The following TPO variants were observed in gnomAD, a reference collection of about 807,000 sequenced individuals.
TPO encodes the protein thyroid peroxidase.
TPO carries 78 observed loss-of-function variants against 96.9 expected under a neutral mutation model. The ratio of observed to expected loss-of-function variants is 0.81; its 90% CI spans 0.67 to 0.97. TPO has a LOEUF of 0.97. Ranked by LOEUF, TPO falls within the 50% of genes least tolerant of loss-of-function variation. The probability of loss-of-function intolerance (pLI) is 0.00; values close to 1 mark genes in which losing one functional copy is unlikely to be tolerated. For synonymous variants in TPO, 547 were observed against 538.0 expected (o/e 1.02, Z -0.23); for missense variants, 1,252 against 1,274.8 (o/e 0.98, Z 0.27).
intron 1 of TPO, among the ~76,000 whole-genome samples, chr2:1,407,554 C>A (rs1057059476): frequency 1.3e-5 from 2 of 152,194 alleles, no homozygotes; most frequent in Non-Finnish European, 2.9e-5. Context: ...AAACTACCCC[C>A]TTTTCTTGTC....
At chr2:1,399,277 C>T (rs529007170) in intron 1 of TPO, among the ~76,000 whole-genome samples, 91 of 152,340 alleles carry the variant, frequency 6.0e-4, no homozygotes, top group African/African-American at 1.7e-3. Flanking sequence ...ATTTTCTGCG[C>T]GGAGCTTCTC....
In TPO at chr2:1,489,481, T is replaced by C. The variant is rs1256860229; in HGVS notation, c.1768+1490T>C. Among the ~76,000 whole-genome samples the C allele has an allele frequency of 3.9e-5, 6 of 152,170 alleles. 1 individual carries two copies. The highest frequency in any genetic ancestry group is 3.3e-4 in the Admixed American group (5 of 15,268). ...CTCACAACCCCCACCTTCCTCTGCT[T>C]CACTTTTCACCAACTGAAATATGGC... is the stretch of plus-strand genomic sequence containing the variant. On this transcript the variant is annotated intron_variant, in intron 10 of 16. Coordinates refer to ENST00000329066, the MANE Select transcript of TPO (RefSeq NM_001206744.2).
intron 11 of TPO, among the ~76,000 whole-genome samples, chr2:1,495,722 TC>T (rs1169000229): frequency 6.6e-6 from 1 of 151,142 alleles, no homozygotes; most frequent in South Asian, 2.1e-4. Flanking sequence ...TCCCGGGTGC[TC>T]AGGGGTCTGG....
At chr2:1,374,650 A>T (rs1415028186) in intron 1 of TPO, among the ~76,000 whole-genome samples, 1 of 151,782 alleles carries the variant, frequency 6.6e-6, no homozygotes, top group East Asian at 1.9e-4. Flanking sequence ...GTTAATGAGG[A>T]TTTATTTGAA....
At chr2:1,432,556 G>A (rs1328950089) in intron 3 of TPO, among the ~76,000 whole-genome samples, 2 of 140,368 alleles carry the variant, frequency 1.4e-5, no homozygotes, top group Non-Finnish European at 3.1e-5. Context: ...GAGGCCTGCA[G>A]GTGGGGTGAG....
In TPO at chr2:1,542,722, A is replaced by G; in HGVS notation, c.*248A>G. 1.8e-6 allele frequency: 2 copies of G among 1,118,966 alleles called. No individual in the cohort carries two copies. Among genetic ancestry groups the G allele is most frequent in the Non-Finnish European group, 2.5e-6 (2 of 792,096 alleles). 69.3% of individuals were successfully genotyped at this position (1,118,966 alleles called of 1,614,324 possible). A position where few individuals can be genotyped will look rare whatever the true frequency, so the allele number is the denominator to read the frequency against. On this transcript the variant is annotated 3_prime_UTR_variant, in exon 17 of 17. Transcript: ENST00000329066. ...GGCTTTGCCATTAAAATGTATTTAC[A>G]GATTACACATCTTTATTTTGTGAAC...
chr2:1,409,673 C>T (rs907115784), upstream of TPO, among the ~76,000 whole-genome samples: 1 of 152,138 alleles, frequency 6.6e-6, no homozygotes, highest in Non-Finnish European at 1.5e-5. Flanking sequence ...TTCCAGGATC[C>T]AGTCCTGGCA....
chr2:1,535,838 C>T, intron 15 of TPO, among the ~76,000 whole-genome samples: 1 of 82,710 alleles, frequency 1.2e-5, no homozygotes, highest in African/African-American at 5.5e-5. Flanking sequence ...AATCCCCAAA[C>T]TGTGTGCAAC....
At chr2:1,412,597 C>T (rs145656465), upstream of TPO, among the ~76,000 whole-genome samples, 30 of 151,598 alleles carry the variant, frequency 2.0e-4, no homozygotes, top group African/African-American at 7.0e-4. Context: ...TGTTCTGAAG[C>T]CTTTGCATCG....
intron 7 of TPO, among the ~76,000 whole-genome samples, chr2:1,465,789 C>A (rs4927583): frequency 0.12 from 17,518 of 152,060 alleles, 1,190 homozygotes; most frequent in East Asian, 0.28. Flanking sequence ...GTTCTAGGAG[C>A]TTTCTGGAGG....
intron 3 of TPO, among the ~76,000 whole-genome samples, chr2:1,428,385 C>T (rs546661165): frequency 3.5e-4 from 53 of 152,264 alleles, no homozygotes; most frequent in South Asian, 1.0e-3. Context: ...ATGGACATGA[C>T]GGGAAAGTGA....
intron 1 of TPO, among the ~76,000 whole-genome samples, chr2:1,384,071 G>T (rs572985830): frequency 6.0e-4 from 91 of 152,256 alleles, no homozygotes; most frequent in African/African-American, 2.1e-3. Flanking sequence ...TGTTCCATTG[G>T]TCTATATCTC....
intron 7 of TPO, among the ~76,000 whole-genome samples, chr2:1,468,518 A>G (rs1669106124): frequency 6.6e-6 from 1 of 152,160 alleles, no homozygotes; most frequent in South Asian, 2.1e-4. Flanking sequence ...TTGTCTGAGG[A>G]GGCTGAAGAT....
rs1680889638 is a variant in TPO, at chr2:1,542,600, A to G, written c.*126A>G. The G allele has an allele frequency of 1.9e-6, 3 of 1,556,472 alleles. No homozygotes were observed. ...TTTTCCCAACACGGGTAAATCTAGT[A>G]CCATGTCGTAGTTACTCTCAGGCAT... On this transcript the variant is annotated 3_prime_UTR_variant, in exon 17 of 17. Transcript: ENST00000329066.
chr2:1,430,080 A>G (rs1664825092), intron 3 of TPO, among the ~76,000 whole-genome samples: 1 of 152,238 alleles, frequency 6.6e-6, no homozygotes, highest in East Asian at 1.9e-4. Context: ...AAGGGCCTCG[A>G]AGAAAGCATG....
At chr2:1,462,031 CAGTT>C (rs1175501692) in intron 7 of TPO, among the ~76,000 whole-genome samples, 1 of 152,302 alleles carries the variant, frequency 6.6e-6, no homozygotes, top group East Asian at 1.9e-4. Flanking sequence ...TTTTAGGGCT[CAGTT>C]AGAGTGAGCC....
intron 15 of TPO, among the ~76,000 whole-genome samples, chr2:1,530,168 A>C (rs1228195938): frequency 1.1e-5 from 1 of 89,756 alleles, no homozygotes; most frequent in African/African-American, 5.4e-5. Context: ...AACCTCCTCA[A>C]ATCCCCCCAC....
chr2:1,503,761 G>A (rs1364092184), intron 13 of TPO, 187 bp from the exon 14 acceptor site: 4 of 1,084,492 alleles, frequency 3.7e-6, no homozygotes, highest in East Asian at 2.6e-5. Flanking sequence ...GCGCACATCT[G>A]TCTGCTCCTC....
At chr2:1,377,492 T>A in intron 1 of TPO, among the ~76,000 whole-genome samples, 1 of 152,142 alleles carries the variant, frequency 6.6e-6, no homozygotes, top group East Asian at 1.9e-4. Context: ...GCCAGGCTTC[T>A]CTGTTTATGG....
Sources: gnomAD v4.1 joint callset for allele counts (sites outside exome capture counted in the v4.1 genomes callset) on GRCh38, gnomAD v4.1.1 for gene constraint, MANE v1.5 for transcripts, NCBI Gene and HGNC (gene_info 2026-07-23, HGNC 2026-07-21) for gene names.